The following PTCHD4 variants were observed in gnomAD, a reference collection of about 807,000 sequenced individuals.
PTCHD4 encodes the protein patched domain containing 4, also known as patched domain-containing protein 4.
A neutral mutation model predicts 58.1 loss-of-function variants in PTCHD4; 33 were observed. The ratio of observed to expected loss-of-function variants is 0.57; its 90% CI spans 0.43 to 0.76. PTCHD4 has a LOEUF of 0.76. Among genes scored for constraint, PTCHD4 ranks in the 30% least tolerant of loss-of-function variants. PTCHD4 has a pLI of 0.00. For synonymous variants in PTCHD4, 478 were observed against 409.6 expected, an observed-to-expected ratio of 1.17 and a Z score of -2.02; for missense variants, 1,058 against 1,027.1, an observed-to-expected ratio of 1.03 and a Z score of -0.41.
chr6:47,859,278 C>A lies in PTCHD4; in HGVS notation c.*19025G>T, dbSNP rs757767168. On this transcript the variant is annotated 3_prime_UTR_variant, in exon 5 of 5. Transcript: ENST00000339488. The stretch of plus-strand genomic sequence containing the variant: ...CAGTATTTCTTTTTCTTTCCATTGA[C>A]AAGCTAGGATACGAGCACAGTCCCT... 3.0e-4 allele frequency among the ~76,000 whole-genome samples: 46 copies of A among 152,106 alleles called. No homozygotes were observed. The highest frequency in any genetic ancestry group is 5.0e-4 in the Non-Finnish European group (34 of 67,964).
At chr6:48,047,026 G>T (rs558706827) in intron 3 of PTCHD4, among the ~76,000 whole-genome samples, 10 of 151,974 alleles carry the variant, frequency 6.6e-5, no homozygotes, top group African/African-American at 2.2e-4. Context: ...GATTCACTAT[G>T]AGAGCCTGAA....
chr6:47,865,319 C>T lies in PTCHD4; in HGVS notation c.*12984G>A, dbSNP rs1350968707. On this transcript the variant is annotated 3_prime_UTR_variant, in exon 5 of 5. Coordinates refer to ENST00000339488, the MANE Select transcript of PTCHD4 (RefSeq NM_001384253.1). ...TAATGCAATATAAACCATTTTTCCC[C>T]AAGTTAGATATGCAGAAAACCAAAT... 1.3e-5 allele frequency among the ~76,000 whole-genome samples: 2 copies of T among 151,760 alleles called. No homozygotes were observed.
At chr6:47,991,033 G>T (rs1166723411) in intron 4 of PTCHD4, among the ~76,000 whole-genome samples, 4 of 151,834 alleles carry the variant, frequency 2.6e-5, no homozygotes, top group Admixed American at 6.6e-5. Context: ...AAAGACATGA[G>T]AAATTGTAAT....
chr6:48,069,140 A>AGCC lies in PTCHD4; in HGVS notation c.-184_-183insGGC, dbSNP rs1245258493. ...TAAGAAGCAGACATGTGCCCCATAAAGGGGGGGGGGGCTGAGGGGGGGAGA... is the reference window on the plus strand; with the variant it reads ...TAAGAAGCAGACATGTGCCCCATAAAGCCGGGGGGGGGGGCTGAGGGGGGGAGA... On this transcript the variant is annotated 5_prime_UTR_variant, in exon 2 of 5. Coordinates refer to ENST00000339488, the MANE Select transcript of PTCHD4 (RefSeq NM_001384253.1). Among the ~76,000 whole-genome samples, 12 of 47,338 alleles carry AGCC rather than the reference A, an allele frequency of 2.5e-4. 1 individual carries two copies. Among genetic ancestry groups the AGCC allele is most frequent in the African/African-American group, 9.8e-4 (12 of 12,298 alleles). 31.1% of individuals were successfully genotyped at this position (47,338 alleles called of 152,430 possible). A position where few individuals can be genotyped will look rare whatever the true frequency, so the allele number is the denominator to read the frequency against.
At chr6:47,889,653 G>A (rs1764315322) in intron 4 of PTCHD4, among the ~76,000 whole-genome samples, 1 of 151,632 alleles carries the variant, frequency 6.6e-6, no homozygotes, top group African/African-American at 2.4e-5. Flanking sequence ...CTAGCCATAT[G>A]TAGAAAGCCG....
chr6:48,094,308 A>G (rs1489692509), intron 1 of PTCHD4, among the ~76,000 whole-genome samples: 1 of 152,232 alleles, frequency 6.6e-6, no homozygotes, highest in Non-Finnish European at 1.5e-5. Flanking sequence ...GAGGAAATGA[A>G]GATATGAATC....
chr6:47,927,957 T>C (rs1765682933), intron 4 of PTCHD4, among the ~76,000 whole-genome samples: 1 of 151,966 alleles, frequency 6.6e-6, no homozygotes, highest in African/African-American at 2.4e-5. Context: ...TGCACCAAGA[T>C]GAAAAACCCA....
chr6:48,098,342 CTTTT>C (rs776103767), intron 1 of PTCHD4, among the ~76,000 whole-genome samples: 205 of 140,266 alleles, frequency 1.5e-3, no homozygotes, highest in African/African-American at 4.5e-3. Flanking sequence ...TCTTCTTCTT[CTTTT>C]TTTTTTTTTT....
intron 4 of PTCHD4, among the ~76,000 whole-genome samples, chr6:47,913,612 TA>T (rs1377358079): frequency 6.6e-6 from 1 of 152,110 alleles, no homozygotes; most frequent in Non-Finnish European, 1.5e-5. Context: ...TTGGTGTAGA[TA>T]AAAGTAGAAG....
chr6:47,883,128 T>C (rs1439087001), intron 4 of PTCHD4, among the ~76,000 whole-genome samples: 1 of 152,066 alleles, frequency 6.6e-6, no homozygotes, highest in African/African-American at 2.4e-5. Flanking sequence ...CAATGCAATA[T>C]ATATTTATTT....
rs1763410101 is a variant in PTCHD4 at position 47,860,861 on chromosome 6, G to A, written c.*17442C>T. ...TACTTTCATAAAAATTATTTATCCT[G>A]AGATAAACTCTTTATGATTTTTAGA... On this transcript the variant is annotated 3_prime_UTR_variant, in exon 5 of 5. Coordinates refer to ENST00000339488, the MANE Select transcript of PTCHD4 (RefSeq NM_001384253.1). Among the ~76,000 whole-genome samples the A allele has an allele frequency of 6.6e-6, 1 of 151,934 alleles. No individual in the cohort carries two copies. Among genetic ancestry groups the A allele is most frequent in the African/African-American group, 2.4e-5 (1 of 41,392 alleles).
chr6:48,073,082 C>G (rs1765003429), intron 1 of PTCHD4, among the ~76,000 whole-genome samples: 1 of 152,112 alleles, frequency 6.6e-6, no homozygotes, highest in Non-Finnish European at 1.5e-5. Flanking sequence ...ACTAAAACAT[C>G]AGTGGATATC....
rs578130579 is a variant in PTCHD4, at chr6:47,878,493, A to C, written c.2342T>G (p.Leu781Arg). 1 of 1,613,522 alleles carries C rather than the reference A, an allele frequency of 6.2e-7. No individual in the cohort carries two copies. The highest frequency in any genetic ancestry group is 8.5e-7 in the Non-Finnish European group (1 of 1,179,696). ...CCCAGTGAGCAGCAAGCATTTGAAC[A>C]GTGTGAAGGTCAGGTTCGAAGGCAC... ...LFVPSNLTFT[L>R]FKCLLLTGGC... is the part of the protein sequence containing the mutation. The change falls in exon 5 of 5, where the codon CTG becomes CGG. Residue 781 changes from leucine (L) to arginine (R), a missense_variant. Leu to Arg is a moderately radical substitution (Grantham distance 102, BLOSUM62 -2). Coordinates refer to ENST00000339488, the MANE Select transcript of PTCHD4 (RefSeq NM_001384253.1).
At chr6:48,053,288 A>G (rs1465747592) in intron 3 of PTCHD4, among the ~76,000 whole-genome samples, 4 of 152,186 alleles carry the variant, frequency 2.6e-5, no homozygotes, top group Non-Finnish European at 5.9e-5. Flanking sequence ...TCATGCTTTT[A>G]ATATTCAAAA....
chr6:48,098,284 A>G (rs1021197981), intron 1 of PTCHD4, among the ~76,000 whole-genome samples: 1 of 147,560 alleles, frequency 6.8e-6, no homozygotes, highest in Admixed American at 6.9e-5. Flanking sequence ...GAGATAAGTC[A>G]AGGATGGAGA....
chr6:48,070,387 A>G (rs1256933576), intron 1 of PTCHD4, among the ~76,000 whole-genome samples: 1 of 152,160 alleles, frequency 6.6e-6, no homozygotes, highest in East Asian at 1.9e-4. Flanking sequence ...TTGTCATAAT[A>G]TATACCTTTT....
chr6:47,906,154 A>G (rs1399922260), intron 4 of PTCHD4, among the ~76,000 whole-genome samples: 1 of 152,212 alleles, frequency 6.6e-6, no homozygotes. Context: ...TTCAGGTTGG[A>G]TCTCTATGAG....
At chr6:48,063,074 A>G (rs1764685994) in intron 3 of PTCHD4, among the ~76,000 whole-genome samples, 1 of 152,112 alleles carries the variant, frequency 6.6e-6, no homozygotes, top group Admixed American at 6.5e-5. Flanking sequence ...GCTATCCCAT[A>G]AATTTTTTTT....
intron 4 of PTCHD4, among the ~76,000 whole-genome samples, chr6:47,973,192 A>G (rs927778820): frequency 1.3e-5 from 2 of 152,302 alleles, no homozygotes; most frequent in African/African-American, 2.4e-5. Flanking sequence ...ATATTTTACT[A>G]TAATTAATTT....
Sources: allele counts gnomAD v4.1 joint callset (sites outside exome capture counted in the v4.1 genomes callset), GRCh38; gene constraint gnomAD v4.1.1; transcripts MANE v1.5; gene names NCBI Gene and HGNC (gene_info 2026-07-23, HGNC 2026-07-21).